ADIPOQ: variants seen among roughly 807,000 people sequenced by gnomAD.
ADIPOQ encodes the protein adiponectin, C1Q and collagen domain containing, also known as adiponectin.
In ADIPOQ, 19 loss-of-function variants were observed where a neutral mutation model predicts 16.1. That is an observed-to-expected ratio of 1.18 (90% CI 0.82 to 1.73). The LOEUF (loss-of-function observed/expected upper bound fraction) is 1.73, where lower values mean the gene tolerates loss of function less well. Ranked by LOEUF, ADIPOQ falls within the 40% of genes most tolerant of loss-of-function variation. The pLI, the probability that ADIPOQ is intolerant of heterozygous loss-of-function variation, is 0.00. For synonymous variants in ADIPOQ, 124 were observed against 125.5 expected (o/e 0.99, Z 0.08); for missense variants, 323 against 308.3 (o/e 1.05, Z -0.36).
chr3:186,847,711 C>T (rs925521963), intron 1 of ADIPOQ, among the ~76,000 whole-genome samples: 4 of 152,124 alleles, frequency 2.6e-5, no homozygotes, highest in Non-Finnish European at 4.4e-5. Flanking sequence ...CTTTTAGTGC[C>T]ATGCTAAGCC....
rs200876636 is a variant in ADIPOQ, at chr3:186,854,593, C to T, written c.624C>T (p.Gly208=). 4.0e-5 allele frequency: 65 copies of T among 1,613,754 alleles called. 1 individual carries two copies. In the Middle Eastern group the frequency reaches 4.9e-4, roughly 12 times the overall value. The part of the protein sequence containing the change: ...SGSVLLHLEV[G]DQVWLQVYGE... ...CTGTGCTCCTGCATCTGGAGGTGGGCGACCAAGTCTGGCTCCAGGTGTATG... is the reference window on the plus strand; with the variant it reads ...CTGTGCTCCTGCATCTGGAGGTGGGTGACCAAGTCTGGCTCCAGGTGTATG... The change falls in exon 3 of 3, where the codon GGC becomes GGT. Residue 208 remains glycine (G), a synonymous_variant. Coordinates refer to ENST00000320741, the MANE Select transcript of ADIPOQ (RefSeq NM_004797.4).
At chr3:186,843,811 C>T (rs958697179) in intron 1 of ADIPOQ, among the ~76,000 whole-genome samples, 4 of 151,980 alleles carry the variant, frequency 2.6e-5, no homozygotes, top group African/African-American at 9.7e-5. Context: ...TTTTCTGAAG[C>T]CTAATCCTGC....
chr3:186,843,933 G>A (rs562595310), intron 1 of ADIPOQ, among the ~76,000 whole-genome samples: 26 of 152,100 alleles, frequency 1.7e-4, no homozygotes, highest in Non-Finnish European at 2.8e-4. Context: ...TGTGTTAGAG[G>A]ACATGGATCC....
Position 186,854,611 on chromosome 3 carries a change from G to A in ADIPOQ, c.642G>A (p.Gln214=). 6.2e-7 allele frequency: 1 copy of A among 1,614,136 alleles called. No individual in the cohort carries two copies. The highest frequency in any genetic ancestry group is 8.5e-7 in the Non-Finnish European group (1 of 1,180,010). Residue 214 remains glutamine, a synonymous_variant, in exon 3 of 3, where the codon CAG becomes CAA. Coordinates refer to ENST00000320741, the MANE Select transcript of ADIPOQ (RefSeq NM_004797.4). The part of the protein sequence containing the change: ...HLEVGDQVWL[Q]VYGEGERNGL... ...AGGTGGGCGACCAAGTCTGGCTCCA[G>A]GTGTATGGGGAAGGAGAGCGTAATG...
rs1474219637 is a variant in ADIPOQ at position 186,857,676 on chromosome 3, T to A, written c.*2972T>A. 1 of 152,228 alleles carries A rather than the reference T, an allele frequency of 6.6e-6. No homozygotes were observed. The highest frequency in any genetic ancestry group is 1.9e-4 in the East Asian group (1 of 5,198). The allele number at this position is 152,228 out of a possible 1,614,324, so 9.4% of individuals were successfully genotyped here. ...TCAGGATTAATGGTCCTGTGATGCT[T>A]TGAAGTACAATTGTGGATTTGTCCA... On this transcript the variant is annotated 3_prime_UTR_variant, in exon 3 of 3. Coordinates refer to ENST00000320741, the MANE Select transcript of ADIPOQ (RefSeq NM_004797.4).
intron 1 of ADIPOQ, chr3:186,852,013 C>A: frequency 6.2e-6 from 1 of 162,458 alleles, no homozygotes; most frequent in Non-Finnish European, 1.3e-5. Flanking sequence ...GCACATCACA[C>A]AGCAGCAGGA....
intron 1 of ADIPOQ, among the ~76,000 whole-genome samples, chr3:186,850,920 T>C (rs1050152057): frequency 2.0e-5 from 3 of 151,916 alleles, no homozygotes; most frequent in African/African-American, 2.4e-5. Context: ...TATATACATA[T>C]AGTTTATATG....
chr3:186,849,020 G>A (rs1293209686), intron 1 of ADIPOQ, among the ~76,000 whole-genome samples: 2 of 152,156 alleles, frequency 1.3e-5, no homozygotes, highest in African/African-American at 4.8e-5. Context: ...GGAGAAATCT[G>A]TCCATAATAC....
chr3:186,845,530 CCTGA>C, intron 1 of ADIPOQ: 1 of 152,136 alleles, frequency 6.6e-6, no homozygotes, highest in East Asian at 1.9e-4. Context: ...CGCTACCACG[CCTGA>C]CTAATTTTTG....
In ADIPOQ at chr3:186,849,782, C is replaced by T. The variant is rs1281896793; in HGVS notation, c.-8-3269C>T. Among the ~76,000 whole-genome samples, 3 of 151,950 alleles carry T rather than the reference C, an allele frequency of 2.0e-5. No individual in the cohort carries two copies. The East Asian group carries it at 5.8e-4, about 29-fold the overall frequency. On this transcript the variant is annotated intron_variant, in intron 1 of 2. Coordinates refer to ENST00000320741, the MANE Select transcript of ADIPOQ (RefSeq NM_004797.4). ...TCTATAGTGAGAGAAAAAATTAATG[C>T]AATTAAAGGTGTTGTAACAGCTAGT...
At chr3:186,849,516 A>AGG (rs139651695) in intron 1 of ADIPOQ, among the ~76,000 whole-genome samples, 8,770 of 152,162 alleles carry the variant, frequency 0.058, 267 homozygotes, top group South Asian at 0.1. Context: ...TCCAGAAGCT[A>AGG]TTGAGAACAC....
intron 1 of ADIPOQ, among the ~76,000 whole-genome samples, chr3:186,849,628 T>C (rs1266224986): frequency 6.6e-6 from 1 of 152,234 alleles, no homozygotes; most frequent in Non-Finnish European, 1.5e-5. Flanking sequence ...GGGCAGCACC[T>C]GAGTCTGATT....
chr3:186,846,643 C>A (rs940777260), intron 1 of ADIPOQ, among the ~76,000 whole-genome samples: 3 of 152,146 alleles, frequency 2.0e-5, no homozygotes, highest in African/African-American at 7.2e-5. Flanking sequence ...GGGACCCTGT[C>A]CTTGCATTTC....
At position 186,854,502 on chromosome 3, in the gene ADIPOQ, A is replaced by T; in HGVS notation, c.533A>T (p.Lys178Met). 1 of 1,614,206 alleles carries T rather than the reference A, an allele frequency of 6.2e-7. No individual in the cohort carries two copies. Among genetic ancestry groups the T allele is most frequent in the Non-Finnish European group, 8.5e-7 (1 of 1,180,006 alleles). The change falls in exon 3 of 3, where the codon AAG (lysine) becomes ATG (methionine). Residue 178 changes from lysine to methionine, a missense_variant. Lys to Met is a moderately conservative substitution (Grantham distance 95). Coordinates refer to ENST00000320741, the MANE Select transcript of ADIPOQ (RefSeq NM_004797.4). ...GATGTGAAGGTCAGCCTCTTCAAGA[A>T]GGACAAGGCTATGCTCTTCACCTAT... ...MKDVKVSLFK[K>M]DKAMLFTYDQ...
chr3:186,853,357 A>G, intron 2 of ADIPOQ, 85 bp downstream of exon 2: 2 of 1,466,416 alleles, frequency 1.4e-6, no homozygotes. Context: ...ACTAAGGCCT[A>G]GACACAGGGA....
intron 1 of ADIPOQ, among the ~76,000 whole-genome samples, chr3:186,849,926 G>T (rs1711690990): frequency 6.6e-6 from 1 of 151,958 alleles, no homozygotes; most frequent in African/African-American, 2.4e-5. Flanking sequence ...AAAAACAGAA[G>T]AAAATTGAAT....
intron 1 of ADIPOQ, among the ~76,000 whole-genome samples, chr3:186,843,844 T>TG (rs749674704): frequency 6.6e-6 from 1 of 152,156 alleles, no homozygotes; most frequent in Non-Finnish European, 1.5e-5. Flanking sequence ...GTGCTGTTTC[T>TG]GAGGCATCCT....
At chr3:186,843,757 TA>T (rs200526180) in intron 1 of ADIPOQ, among the ~76,000 whole-genome samples, 36 of 150,818 alleles carry the variant, frequency 2.4e-4, no homozygotes, top group Middle Eastern at 6.8e-3. Context: ...AAATTGTAAT[TA>T]AAAAAAAACA....
chr3:186,845,195 G>A (rs890389053), intron 1 of ADIPOQ, among the ~76,000 whole-genome samples: 1 of 151,680 alleles, frequency 6.6e-6, no homozygotes, highest in African/African-American at 2.4e-5. Context: ...TATGGGTGCG[G>A]GTATGTGTGT....
Sources: gnomAD v4.1 joint callset for allele counts (sites outside exome capture counted in the v4.1 genomes callset) on GRCh38, gnomAD v4.1.1 for gene constraint, MANE v1.5 for transcripts, NCBI Gene and HGNC (gene_info 2026-07-23, HGNC 2026-07-21) for gene names.